Variants in BANP observed in about 807,000 individuals in gnomAD.
BANP encodes the protein protein BANP.
Under a neutral mutation model 68.1 loss-of-function variants are expected in BANP, and 11 were observed. The ratio of observed to expected loss-of-function variants is 0.16; its 90% CI spans 0.10 to 0.27. BANP has a LOEUF of 0.27. BANP is among the 10% of genes least tolerant of loss of function. The pLI is 1.00. For synonymous variants in BANP, 329 were observed against 303.2 expected, an observed-to-expected ratio of 1.09 and a Z score of -0.88; for missense variants, 504 against 722.7, an observed-to-expected ratio of 0.70 and a Z score of 3.47.
At chr16:87,965,802 A>G (rs545319457) in intron 1 of BANP, among the ~76,000 whole-genome samples, 1 of 152,310 alleles carries the variant, frequency 6.6e-6, no homozygotes, top group Non-Finnish European at 1.5e-5. Flanking sequence ...CCTTGCCTGT[A>G]GACACATCAC....
At chr16:87,949,538 T>C (rs1364130710), upstream of BANP, 1 of 152,250 alleles carries the variant, frequency 6.6e-6, no homozygotes, top group Non-Finnish European at 1.5e-5. Flanking sequence ...CTTGTGCCTC[T>C]CTCCAGCCCT....
chr16:88,059,717 G>GGA (rs1567905871), intron 11 of BANP, among the ~76,000 whole-genome samples: 1 of 152,116 alleles, frequency 6.6e-6, no homozygotes. Flanking sequence ...GCTTCCCGAC[G>GGA]GAGACGTGTG....
chr16:88,053,225 A>G (rs1288592454), intron 11 of BANP, among the ~76,000 whole-genome samples: 11 of 150,118 alleles, frequency 7.3e-5, no homozygotes, highest in African/African-American at 2.5e-4. Flanking sequence ...ATCATCACCA[A>G]CACAACCACC....
intron 11 of BANP, among the ~76,000 whole-genome samples, chr16:88,054,931 G>C (rs376266295): frequency 6.6e-6 from 1 of 152,114 alleles, no homozygotes; most frequent in East Asian, 1.9e-4. Flanking sequence ...CTGTTCCTAG[G>C]GGGTATTATA....
Position 88,018,195 on chromosome 16 carries a change from G to T in BANP, c.656-233G>T, listed in dbSNP as rs2075033856. 6.6e-6 allele frequency among the ~76,000 whole-genome samples: 1 copy of T among 152,056 alleles called. No homozygotes were observed. Among genetic ancestry groups the T allele is most frequent in the Admixed American group, 6.5e-5 (1 of 15,270 alleles). On this transcript the variant is annotated intron_variant, in intron 6 of 13. Transcript: ENST00000682872. The surrounding 1 kb of genome is among the most constrained non-coding windows in gnomAD (Gnocchi z 7.7). ...GTCCCGAGGCCCTGCAGCCCCACAG[G>T]CACGTGGCCGCTTCTCGGGGGTGGT...
intron 11 of BANP, among the ~76,000 whole-genome samples, chr16:88,063,917 T>A (rs1177800370): frequency 6.6e-6 from 1 of 152,224 alleles, no homozygotes; most frequent in East Asian, 1.9e-4. Flanking sequence ...CAACTGGGAA[T>A]GCATTTGAAA....
chr16:87,988,891 C>A (rs1181460208), intron 4 of BANP, among the ~76,000 whole-genome samples: 3 of 152,190 alleles, frequency 2.0e-5, no homozygotes, highest in Non-Finnish European at 4.4e-5. Flanking sequence ...GTCACTAAGG[C>A]CCCCTCTCTG....
chr16:87,972,706 C>T (rs1286316126), intron 1 of BANP, among the ~76,000 whole-genome samples: 2 of 152,186 alleles, frequency 1.3e-5, no homozygotes, highest in South Asian at 4.1e-4. Context: ...CTTCTTTTCT[C>T]AGCTCTCTAG....
intron 4 of BANP, among the ~76,000 whole-genome samples, chr16:87,992,466 C>T (rs1221792723): frequency 3.3e-5 from 5 of 151,922 alleles, no homozygotes; most frequent in African/African-American, 1.2e-4. Flanking sequence ...GCCAGTGAAG[C>T]CTAGGTTTTT....
At chr16:88,037,791 A>G in intron 10 of BANP, 182 bp from the exon 11 acceptor site, 1 of 626,476 alleles carries the variant, frequency 1.6e-6, no homozygotes, top group South Asian at 1.9e-5. Flanking sequence ...AATAAATAGT[A>G]CCTAGAAATG....
At chr16:88,033,321 A>G (rs1014564158) in intron 9 of BANP, 76 bp downstream of exon 9, 191 of 1,389,662 alleles carry the variant, frequency 1.4e-4, no homozygotes, top group Non-Finnish European at 1.7e-4. Context: ...GGCGGCTTCC[A>G]CCGGTTCCGC....
chr16:88,057,936 G>C lies in BANP; in HGVS notation c.1312-7331G>C, dbSNP rs373634872. Among the ~76,000 whole-genome samples, 142 of 152,330 alleles carry C rather than the reference G, an allele frequency of 9.3e-4. No homozygotes were observed. The highest frequency in any genetic ancestry group is 3.4e-3 in the African/African-American group (140 of 41,564). On this transcript the variant is annotated intron_variant, in intron 11 of 13. Coordinates refer to ENST00000682872, the MANE Select transcript of BANP (RefSeq NM_001386991.1). The surrounding 1 kb of genome is among the most constrained non-coding windows in gnomAD (Gnocchi z 4.6). The stretch of plus-strand genomic sequence containing the variant: ...GTGTTCCGACAAGCCAGGCGCCGAG[G>C]CTCGGTGTGGGCCCGTGGGCCTGAT...
At chr16:88,050,749 T>C (rs112145614) in intron 11 of BANP, among the ~76,000 whole-genome samples, 2,981 of 152,194 alleles carry the variant, frequency 0.02, 95 homozygotes, top group African/African-American at 0.067. Flanking sequence ...AGTGCAGTGG[T>C]GCAGTCACGG....
intron 4 of BANP, among the ~76,000 whole-genome samples, chr16:87,995,508 G>A (rs2152514281): frequency 6.6e-6 from 1 of 152,316 alleles, no homozygotes; most frequent in African/African-American, 2.4e-5. Context: ...TTACCTGGCT[G>A]TTGTTGAAAT....
At chr16:87,976,052 G>T (rs994755992) in intron 2 of BANP, among the ~76,000 whole-genome samples, 8 of 152,200 alleles carry the variant, frequency 5.3e-5, no homozygotes, top group Non-Finnish European at 1.0e-4. Flanking sequence ...AGCTCTGCAG[G>T]ATTCATTCAC....
intron 13 of BANP, among the ~76,000 whole-genome samples, chr16:88,075,995 C>G (rs1285840831): frequency 1.3e-5 from 2 of 152,188 alleles, no homozygotes; most frequent in Admixed American, 6.5e-5. Context: ...ATTCACCTGC[C>G]TCAGCCTCCC....
chr16:88,074,410 C>G (rs1485954573), intron 13 of BANP, among the ~76,000 whole-genome samples: 1 of 152,126 alleles, frequency 6.6e-6, no homozygotes, highest in Non-Finnish European at 1.5e-5. Context: ...GGGCCTGTTC[C>G]CTGGAGCAGT....
rs188520843 is a variant in BANP, at chr16:88,064,263, C to T, written c.1312-1004C>T. Among the ~76,000 whole-genome samples, 202 of 152,216 alleles carry T rather than the reference C, an allele frequency of 1.3e-3. 2 individuals are homozygous for T. In the East Asian group the frequency reaches 0.019, roughly 14 times the overall value. On this transcript the variant is annotated intron_variant, in intron 11 of 13. Transcript: ENST00000682872. This position sits in a 1 kb window ranked among gnomAD's most constrained non-coding sequence, Gnocchi z 4.5. ...TGTTGAGGCAGTTGTGCGTCCACGG[C>T]GGGGCCTGCCTCCGTGGCAGCGCTC...
At chr16:87,984,586 A>G (rs1453271421) in intron 4 of BANP, among the ~76,000 whole-genome samples, 1 of 152,218 alleles carries the variant, frequency 6.6e-6, no homozygotes, top group Non-Finnish European at 1.5e-5. Context: ...GCTAGTCTTT[A>G]CATATGTTTT....
Sources: gnomAD v4.1 joint callset for allele counts (sites outside exome capture counted in the v4.1 genomes callset) on GRCh38, gnomAD v4.1.1 for gene constraint, Gnocchi (gnomAD v3.1) non-coding constraint, MANE v1.5 for transcripts, NCBI Gene and HGNC (gene_info 2026-07-23, HGNC 2026-07-21) for gene names.